SH2D4B: variants seen among roughly 807,000 people sequenced by gnomAD.
SH2D4B encodes the protein SH2 domain containing 4B, also known as SH2 domain-containing protein 4B.
A neutral mutation model predicts 61.5 loss-of-function variants in SH2D4B; 45 were observed. That is an observed-to-expected ratio of 0.73 (90% CI 0.58 to 0.94). The LOEUF is 0.94. Among genes scored for constraint, SH2D4B ranks in the 40% least tolerant of loss-of-function variants. The pLI, the probability that SH2D4B is intolerant of heterozygous loss-of-function variation, is 0.00. For missense variants in SH2D4B, 572 were observed against 574.2 expected (o/e 1.00, Z 0.04); for synonymous variants, 224 against 220.4 (o/e 1.02, Z -0.14).
At chr10:80,617,934 T>TA (rs1436810640) in intron 6 of SH2D4B, among the ~76,000 whole-genome samples, 1 of 152,240 alleles carries the variant, frequency 6.6e-6, no homozygotes, top group East Asian at 1.9e-4. Context: ...GGGTTGGTCA[T>TA]ATGTTCACTT....
chr10:80,574,084 G>A (rs919979796), intron 3 of SH2D4B, among the ~76,000 whole-genome samples: 2 of 152,054 alleles, frequency 1.3e-5, no homozygotes, highest in Admixed American at 1.3e-4. Flanking sequence ...ATACCTATAT[G>A]CTTCTATTTT....
intron 3 of SH2D4B, among the ~76,000 whole-genome samples, chr10:80,578,956 C>T (rs559955983): frequency 2.6e-5 from 4 of 152,226 alleles, no homozygotes; most frequent in Non-Finnish European, 4.4e-5. Flanking sequence ...GCAAAGACAT[C>T]CAAGTCCCAA....
At position 80,588,768 on chromosome 10, in the gene SH2D4B, G is replaced by A. The variant is rs1371849406; in HGVS notation, c.634G>A (p.Glu212Lys). Residue 212 changes from glutamate (E) to lysine (K), a missense_variant, in exon 4 of 8, where the codon GAA (glutamate) becomes AAA (lysine). Glu to Lys is a moderately conservative substitution (Grantham distance 56). Transcript: ENST00000646907. ...CAGTGAGAAAGAGGAGCGAGAGTGG[G>A]AAGAACAGTGTGAGTAGAGCTTGTG... is the stretch of plus-strand genomic sequence containing the variant. ...QASEKEEREW[E>K]EQLRRSKAAD... is the part of the protein sequence containing the mutation. The A allele has an allele frequency of 1.2e-6, 2 of 1,613,846 alleles. No individual in the cohort carries two copies. The highest frequency in any genetic ancestry group is 2.2e-5 in the East Asian group (1 of 44,882).
chr10:80,567,490 G>A (rs960897934), intron 1 of SH2D4B, among the ~76,000 whole-genome samples: 1 of 152,142 alleles, frequency 6.6e-6, no homozygotes, highest in Admixed American at 6.5e-5. Flanking sequence ...CTGTCTCTGG[G>A]GTTCTGCACT....
intron 1 of SH2D4B, among the ~76,000 whole-genome samples, chr10:80,548,996 C>G (rs565758707): frequency 2.6e-5 from 4 of 152,142 alleles, no homozygotes; most frequent in Non-Finnish European, 5.9e-5. Context: ...TGCTGATAAG[C>G]TTTTCAGATG....
intron 7 of SH2D4B, among the ~76,000 whole-genome samples, chr10:80,637,347 G>T (rs1488947917): frequency 6.6e-6 from 1 of 152,094 alleles, no homozygotes; most frequent in Non-Finnish European, 1.5e-5. Context: ...AGTTTGATGG[G>T]GATGGCATTG....
At chr10:80,577,735 T>C (rs1842142971) in intron 3 of SH2D4B, among the ~76,000 whole-genome samples, 1 of 151,946 alleles carries the variant, frequency 6.6e-6, no homozygotes, top group South Asian at 2.1e-4. Flanking sequence ...CTTTTTTTTT[T>C]GTATTTTTAG....
In SH2D4B at chr10:80,538,218, C is replaced by A; in HGVS notation, c.-114C>A. 2.2e-6 allele frequency: 2 copies of A among 893,508 alleles called. No individual in the cohort carries two copies. The highest frequency in any genetic ancestry group is 1.5e-6 in the Non-Finnish European group (1 of 663,736). The allele number at this position is 893,508 out of a possible 1,614,324, so 55.3% of individuals were successfully genotyped here. The stretch of plus-strand genomic sequence containing the variant: ...ACAATGCTGCACAGAGAAGGGGCAC[C>A]GAGAGTGGCCCCGGATTGAGCAGTC... On this transcript the variant is annotated 5_prime_UTR_variant, in exon 1 of 8. Coordinates refer to ENST00000646907, the MANE Select transcript of SH2D4B (RefSeq NM_001388272.1). The surrounding 1 kb of genome is among the most constrained non-coding windows in gnomAD (Gnocchi z 4.8).
rs181774573 is a variant in SH2D4B at position 80,611,038 on chromosome 10, G to A, written c.988+1487G>A. Among the ~76,000 whole-genome samples the A allele has an allele frequency of 2.8e-4, 43 of 152,016 alleles. 1 individual carries two copies. The East Asian group carries it at 7.2e-3, about 25-fold the overall frequency. The stretch of plus-strand genomic sequence containing the variant: ...ATATTTTAAAAAATTAGCCAGGTGT[G>A]GTGGCAGGCCCCTGTCATCCCAGGT... On this transcript the variant is annotated intron_variant, in intron 6 of 7. Coordinates refer to ENST00000646907, the MANE Select transcript of SH2D4B (RefSeq NM_001388272.1).
At chr10:80,611,982 G>T (rs1259879210) in intron 6 of SH2D4B, among the ~76,000 whole-genome samples, 1 of 152,082 alleles carries the variant, frequency 6.6e-6, no homozygotes, top group East Asian at 1.9e-4. Context: ...AAAGAAAAAG[G>T]CTCACATATG....
chr10:80,591,889 G>A (rs1185297031), intron 4 of SH2D4B, among the ~76,000 whole-genome samples: 1 of 152,012 alleles, frequency 6.6e-6, no homozygotes, highest in Non-Finnish European at 1.5e-5. Context: ...ATCCATGAAA[G>A]GATTAATCCA....
At chr10:80,633,594 C>T (rs754392868) in intron 6 of SH2D4B, among the ~76,000 whole-genome samples, 21 of 152,106 alleles carry the variant, frequency 1.4e-4, no homozygotes, top group Non-Finnish European at 2.4e-4. Context: ...CAGATGACAG[C>T]GGCTTCCTGA....
At chr10:80,629,290 T>C (rs1297681141) in intron 6 of SH2D4B, among the ~76,000 whole-genome samples, 1 of 152,060 alleles carries the variant, frequency 6.6e-6, no homozygotes, top group Non-Finnish European at 1.5e-5. Flanking sequence ...AACAACCAGA[T>C]CTCACAAGAA....
chr10:80,563,153 G>T (rs575929267), intron 1 of SH2D4B, among the ~76,000 whole-genome samples: 1 of 151,888 alleles, frequency 6.6e-6, no homozygotes, highest in Non-Finnish European at 1.5e-5. Context: ...TGCCCGCTTC[G>T]GCCTCCCAAA....
chr10:80,571,434 A>G lies in SH2D4B; in HGVS notation c.351A>G (p.Arg117=), dbSNP rs1356301125. 2 of 1,613,556 alleles carry G rather than the reference A, an allele frequency of 1.2e-6. No individual in the cohort carries two copies. Among genetic ancestry groups the G allele is most frequent in the Admixed American group, 3.3e-5 (2 of 59,966 alleles). ...ACCTGTGGTGCTCTCTTGGTAGGAG[A>G]CAGAAGGAGGCAGAGATCACCAAGA... ...QAQREAEELW[R]QKEAEITKKF... Residue 117 remains arginine (R), a synonymous_variant, in exon 3 of 8, where the codon AGA becomes AGG. Coordinates refer to ENST00000646907, the MANE Select transcript of SH2D4B (RefSeq NM_001388272.1).
intron 6 of SH2D4B, among the ~76,000 whole-genome samples, chr10:80,619,766 A>AGATGATTG (rs1842697918): frequency 6.6e-6 from 1 of 152,226 alleles, no homozygotes; most frequent in African/African-American, 2.4e-5. Flanking sequence ...AGTGGCAGAG[A>AGATGATTG]GATGATTGGA....
chr10:80,571,977 T>C (rs529813986), intron 3 of SH2D4B, among the ~76,000 whole-genome samples: 23 of 152,160 alleles, frequency 1.5e-4, no homozygotes, highest in African/African-American at 5.3e-4. Flanking sequence ...TTTCACCGTG[T>C]TAGCCAGGAT....
intron 5 of SH2D4B, among the ~76,000 whole-genome samples, chr10:80,607,950 G>T (rs1434564906): frequency 6.6e-6 from 1 of 152,208 alleles, no homozygotes; most frequent in East Asian, 1.9e-4. Flanking sequence ...AGGCTGGAGT[G>T]CAGTGGCACG....
intron 6 of SH2D4B, 117 bp from the exon 7 acceptor site, chr10:80,634,168 T>C: frequency 7.4e-7 from 1 of 1,353,992 alleles, no homozygotes; most frequent in South Asian, 1.6e-5. Context: ...CACCCTGGAC[T>C]GTGTGGATGG....
Sources: gnomAD v4.1 joint callset for allele counts (sites outside exome capture counted in the v4.1 genomes callset) on GRCh38, gnomAD v4.1.1 for gene constraint, Gnocchi (gnomAD v3.1) non-coding constraint, MANE v1.5 for transcripts, NCBI Gene and HGNC (gene_info 2026-07-23, HGNC 2026-07-21) for gene names.